The following CNTN4 variants were observed in gnomAD, a reference collection of about 807,000 sequenced individuals.
CNTN4 encodes contactin 4.
Under a neutral mutation model 122.5 loss-of-function variants are expected in CNTN4, and 77 were observed. That is an observed-to-expected ratio of 0.63 (90% CI 0.52 to 0.76). The LOEUF is 0.76. CNTN4 is among the 30% of genes least tolerant of loss of function. CNTN4 has a pLI of 0.00. For missense variants in CNTN4, 1,256 were observed against 1,259.1 expected, an observed-to-expected ratio of 1.00 and a Z score of 0.04; for synonymous variants, 512 against 447.0, an observed-to-expected ratio of 1.15 and a Z score of -1.83.
At chr3:2,859,931 G>A (rs1442879423) in intron 7 of CNTN4, among the ~76,000 whole-genome samples, 1 of 152,068 alleles carries the variant, frequency 6.6e-6, no homozygotes, top group Non-Finnish European at 1.5e-5. Flanking sequence ...ATGTAAGAGG[G>A]GGAAGTTATA....
intron 2 of CNTN4, among the ~76,000 whole-genome samples, chr3:2,102,915 C>T (rs1319491430): frequency 1.3e-5 from 2 of 150,958 alleles, no homozygotes; most frequent in Admixed American, 6.6e-5. Flanking sequence ...CTTCTCCTAA[C>T]CCTTGCTTTT....
intron 4 of CNTN4, among the ~76,000 whole-genome samples, chr3:2,591,518 CTA>C: frequency 1.1e-5 from 1 of 87,500 alleles, no homozygotes; most frequent in Admixed American, 1.1e-4. Context: ...GCGCCCGCCA[CTA>C]CGCCCGGCTA....
At chr3:2,226,396 A>G (rs1419610698) in intron 2 of CNTN4, among the ~76,000 whole-genome samples, 1 of 152,152 alleles carries the variant, frequency 6.6e-6, no homozygotes, top group Non-Finnish European at 1.5e-5. Flanking sequence ...TTTTTGGAAG[A>G]GGAAAAAGCA....
chr3:2,811,610 C>T (rs1195955330), intron 6 of CNTN4, among the ~76,000 whole-genome samples: 1 of 150,018 alleles, frequency 6.7e-6, no homozygotes, highest in Non-Finnish European at 1.5e-5. Flanking sequence ...ACATATGTGC[C>T]CGACCTCCTA....
chr3:2,579,291 T>A (rs1197736103), intron 4 of CNTN4, among the ~76,000 whole-genome samples: 1 of 152,186 alleles, frequency 6.6e-6, no homozygotes, highest in East Asian at 1.9e-4. Context: ...GAAAATCCAA[T>A]TATGTGTACC....
chr3:2,702,286 C>T (rs1025308326), intron 4 of CNTN4, among the ~76,000 whole-genome samples: 1 of 152,158 alleles, frequency 6.6e-6, no homozygotes, highest in African/African-American at 2.4e-5. Context: ...GGATGACCAG[C>T]AAAGAGCATA....
At chr3:2,794,719 CTG>C (rs1322645560) in intron 6 of CNTN4, among the ~76,000 whole-genome samples, 1 of 152,180 alleles carries the variant, frequency 6.6e-6, no homozygotes, top group Non-Finnish European at 1.5e-5. Context: ...CTGCCATTGA[CTG>C]TGGGCTTACA....
chr3:2,408,872 C>T (rs1287946285), intron 3 of CNTN4, among the ~76,000 whole-genome samples: 3 of 152,074 alleles, frequency 2.0e-5, no homozygotes, highest in Non-Finnish European at 4.4e-5. Flanking sequence ...CTGAGGTCAT[C>T]CCTGTTTATG....
At chr3:2,430,323 G>A (rs2048017835) in intron 3 of CNTN4, among the ~76,000 whole-genome samples, 1 of 151,538 alleles carries the variant, frequency 6.6e-6, no homozygotes, top group Non-Finnish European at 1.5e-5. Context: ...TTGGGAGGCT[G>A]AGGCAGGAGA....
intron 2 of CNTN4, among the ~76,000 whole-genome samples, chr3:2,178,244 G>C (rs2036843470): frequency 2.0e-5 from 3 of 151,958 alleles, no homozygotes; most frequent in African/African-American, 7.2e-5. Context: ...ATAATTCATT[G>C]CTCTACACAA....
At chr3:2,222,095 G>A (rs775745634) in intron 2 of CNTN4, among the ~76,000 whole-genome samples, 39 of 152,134 alleles carry the variant, frequency 2.6e-4, no homozygotes, top group Admixed American at 1.8e-3. Context: ...CAAAACCTGT[G>A]TATGAATGTT....
chr3:2,545,461 T>C (rs1318261324), intron 3 of CNTN4, among the ~76,000 whole-genome samples: 1 of 152,088 alleles, frequency 6.6e-6, no homozygotes, highest in Non-Finnish European at 1.5e-5. Flanking sequence ...CAGTCGGGTG[T>C]TGAAGTCTCC....
At chr3:2,633,183 C>T (rs2082518013) in intron 4 of CNTN4, among the ~76,000 whole-genome samples, 1 of 152,050 alleles carries the variant, frequency 6.6e-6, no homozygotes, top group African/African-American at 2.4e-5. Flanking sequence ...GTCATGCAAA[C>T]CTTAGCTATA....
At chr3:2,498,846 G>C (rs1300931742) in intron 3 of CNTN4, among the ~76,000 whole-genome samples, 2 of 151,926 alleles carry the variant, frequency 1.3e-5, no homozygotes, top group Non-Finnish European at 2.9e-5. Flanking sequence ...TAGGAGTGCA[G>C]TGGTGTGATC....
chr3:2,191,400 G>A (rs2037538475), intron 2 of CNTN4, among the ~76,000 whole-genome samples: 1 of 151,980 alleles, frequency 6.6e-6, no homozygotes, highest in Non-Finnish European at 1.5e-5. Context: ...ATACAAGCTG[G>A]AGAAAGGTGG....
intron 2 of CNTN4, among the ~76,000 whole-genome samples, chr3:2,319,270 A>G (rs2043205158): frequency 6.6e-6 from 1 of 151,940 alleles, no homozygotes; most frequent in South Asian, 2.1e-4. Flanking sequence ...GATTTTACAC[A>G]TCTGTAATAT....
intron 2 of CNTN4, among the ~76,000 whole-genome samples, chr3:2,306,745 A>G (rs898604392): frequency 6.6e-6 from 1 of 152,146 alleles, no homozygotes; most frequent in Admixed American, 6.5e-5. Context: ...ATTCCATTCC[A>G]TGAACACGGG....
chr3:2,680,502 C>A (rs577726424), intron 4 of CNTN4, among the ~76,000 whole-genome samples: 1 of 152,280 alleles, frequency 6.6e-6, no homozygotes, highest in African/African-American at 2.4e-5. Context: ...TGGCAAAACA[C>A]GTTAGAAGAC....
At chr3:2,120,343 CATTTAGGTTATATATATATATATAT>C (rs1165941834) in intron 2 of CNTN4, among the ~76,000 whole-genome samples, 39,684 of 115,020 alleles carry the variant, frequency 0.35, 6,920 homozygotes, top group Admixed American at 0.48. Flanking sequence ...TAACATGAGG[CATTTAGGTTATATATATATATATAT>C]ATATAAATAT....
Sources: allele counts gnomAD v4.1 joint callset (sites outside exome capture counted in the v4.1 genomes callset), GRCh38; gene constraint gnomAD v4.1.1; transcripts MANE v1.5; gene names NCBI Gene and HGNC (gene_info 2026-07-23, HGNC 2026-07-21).